The following ZYG11B variants were observed in gnomAD, a reference collection of about 807,000 sequenced individuals.
The protein encoded by ZYG11B is protein zyg-11 homolog B.
In ZYG11B, 36 loss-of-function variants were observed where a neutral mutation model predicts 82.4. The ratio of observed to expected loss-of-function variants is 0.44; its 90% CI spans 0.33 to 0.58. The LOEUF (loss-of-function observed/expected upper bound fraction) is 0.58, where lower values mean the gene tolerates loss of function less well. ZYG11B is among the 20% of genes least tolerant of loss of function. The pLI is 0.02. For missense variants in ZYG11B, 552 were observed against 895.6 expected (o/e 0.62, Z 4.90); for synonymous variants, 303 against 312.8 (o/e 0.97, Z 0.33).
chr1:52,812,015 C>T (rs1053380503), intron 10 of ZYG11B, among the ~76,000 whole-genome samples: 4 of 151,382 alleles, frequency 2.6e-5, no homozygotes, highest in Admixed American at 6.6e-5. Context: ...TGGGCGAGAG[C>T]GAGACTCCAT....
intron 5 of ZYG11B, among the ~76,000 whole-genome samples, chr1:52,786,305 G>A (rs2149948874): frequency 1.3e-5 from 2 of 152,222 alleles, no homozygotes; most frequent in African/African-American, 4.8e-5. Flanking sequence ...TTTCCTTCTG[G>A]GGTGATGGAA....
chr1:52,770,536 T>C (rs1644740703), intron 2 of ZYG11B, among the ~76,000 whole-genome samples: 1 of 152,124 alleles, frequency 6.6e-6, no homozygotes, highest in Admixed American at 6.5e-5. Flanking sequence ...TTCTGCTTCA[T>C]GGTCACCCTA....
chr1:52,761,116 C>A (rs4926577), intron 2 of ZYG11B, among the ~76,000 whole-genome samples: 90,110 of 152,044 alleles, frequency 0.59, 29,441 homozygotes, highest in East Asian at 0.97. Flanking sequence ...TGGGGTATGT[C>A]ATGATGCTTC....
intron 6 of ZYG11B, among the ~76,000 whole-genome samples, chr1:52,790,967 T>A (rs777261595): frequency 6.6e-6 from 1 of 151,626 alleles, no homozygotes; most frequent in African/African-American, 2.4e-5. Flanking sequence ...TTTTAAGATA[T>A]AATTTTTCTT....
intron 1 of ZYG11B, among the ~76,000 whole-genome samples, chr1:52,748,124 G>A (rs1469976336): frequency 6.6e-6 from 1 of 152,154 alleles, no homozygotes; most frequent in Admixed American, 6.6e-5. Flanking sequence ...TCTGGGTTTA[G>A]CAATATATTG....
Position 52,789,038 on chromosome 1 carries a change from A to C in ZYG11B, c.1270-965A>C, listed in dbSNP as rs964912515. The stretch of plus-strand genomic sequence containing the variant: ...CAGTGTCTGTCCTAGCACCTTGACC[A>C]TCTGTGATGAATATAAAACTTCCTG... On this transcript the variant is annotated intron_variant, in intron 5 of 13. Coordinates refer to ENST00000294353, the MANE Select transcript of ZYG11B (RefSeq NM_024646.3). Among the ~76,000 whole-genome samples the C allele has an allele frequency of 2.0e-5, 3 of 152,180 alleles. No individual in the cohort carries two copies. In the East Asian group the frequency reaches 5.8e-4, roughly 29 times the overall value.
chr1:52,737,376 T>G (rs563554581), intron 1 of ZYG11B, among the ~76,000 whole-genome samples: 13 of 152,336 alleles, frequency 8.5e-5, no homozygotes, highest in African/African-American at 2.4e-4. Flanking sequence ...CTCCAGATTG[T>G]GAGCTCTTTG....
chr1:52,730,023 G>A (rs1644316790), intron 1 of ZYG11B, among the ~76,000 whole-genome samples: 1 of 152,056 alleles, frequency 6.6e-6, no homozygotes, highest in South Asian at 2.1e-4. Flanking sequence ...GCCTAGGCTG[G>A]CCTCAAACTC....
chr1:52,734,930 T>C (rs1485787472), intron 1 of ZYG11B, among the ~76,000 whole-genome samples: 2 of 151,414 alleles, frequency 1.3e-5, no homozygotes, highest in Admixed American at 6.6e-5. Context: ...GGTTTCTCCA[T>C]GTTGGTCAGG....
At chr1:52,768,117 G>C (rs758323801) in intron 2 of ZYG11B, among the ~76,000 whole-genome samples, 1 of 152,124 alleles carries the variant, frequency 6.6e-6, no homozygotes, top group Non-Finnish European at 1.5e-5. Context: ...TTTTTCTGTC[G>C]TGTTTGGCTG....
At chr1:52,785,173 T>C in intron 5 of ZYG11B, 120 bp downstream of exon 5, 1 of 1,097,372 alleles carries the variant, frequency 9.1e-7, no homozygotes, top group Non-Finnish European at 1.3e-6. Flanking sequence ...GTGGTATGAC[T>C]GAGTGTAAGA....
intron 1 of ZYG11B, among the ~76,000 whole-genome samples, chr1:52,747,784 T>G: frequency 6.6e-6 from 1 of 152,118 alleles, no homozygotes; most frequent in Non-Finnish European, 1.5e-5. Context: ...GTGTATGTAG[T>G]GGTAAAAGCA....
At chr1:52,766,717 A>G (rs1278472665) in intron 2 of ZYG11B, among the ~76,000 whole-genome samples, 1 of 152,062 alleles carries the variant, frequency 6.6e-6, no homozygotes, top group Non-Finnish European at 1.5e-5. Context: ...TCTTTGTAAA[A>G]ATTTTTATAG....
chr1:52,786,983 G>A (rs548754611), intron 5 of ZYG11B, among the ~76,000 whole-genome samples: 1 of 152,028 alleles, frequency 6.6e-6, no homozygotes, highest in African/African-American at 2.4e-5. Flanking sequence ...CCAGCTACTC[G>A]GGAGGCTGAG....
chr1:52,816,228 A>T (rs1645222715), intron 12 of ZYG11B, among the ~76,000 whole-genome samples: 1 of 152,112 alleles, frequency 6.6e-6, no homozygotes, highest in Non-Finnish European at 1.5e-5. Flanking sequence ...TCTATTTCTT[A>T]GTTTCCAAAC....
At chr1:52,786,484 C>G (rs1379137768) in intron 5 of ZYG11B, among the ~76,000 whole-genome samples, 1 of 152,108 alleles carries the variant, frequency 6.6e-6, no homozygotes, top group African/African-American at 2.4e-5. Context: ...CACGGTGGCT[C>G]ACGCCTGTAA....
At chr1:52,768,782 C>T (rs1009028754) in intron 2 of ZYG11B, among the ~76,000 whole-genome samples, 2 of 151,916 alleles carry the variant, frequency 1.3e-5, no homozygotes, top group African/African-American at 4.8e-5. Flanking sequence ...TTAGTAGAAA[C>T]GCGGTTTTGC....
At chr1:52,752,109 C>T (rs1198441122) in intron 1 of ZYG11B, among the ~76,000 whole-genome samples, 1 of 152,092 alleles carries the variant, frequency 6.6e-6, no homozygotes. Context: ...GATGGCCTCC[C>T]TCAGATGCCA....
At chr1:52,768,260 C>T (rs1644715493) in intron 2 of ZYG11B, among the ~76,000 whole-genome samples, 1 of 152,078 alleles carries the variant, frequency 6.6e-6, no homozygotes, top group Non-Finnish European at 1.5e-5. Context: ...GCTGCTGGCT[C>T]CTTCAACTTT....
Sources: gnomAD v4.1 joint callset for allele counts (sites outside exome capture counted in the v4.1 genomes callset) on GRCh38, gnomAD v4.1.1 for gene constraint, MANE v1.5 for transcripts, NCBI Gene and HGNC (gene_info 2026-07-23, HGNC 2026-07-21) for gene names.